Variants in GRIN1 observed in about 807,000 individuals in gnomAD.
The protein encoded by GRIN1 is glutamate receptor ionotropic, NMDA 1.
In GRIN1, 38 loss-of-function variants were observed where a neutral mutation model predicts 103.0. That is an observed-to-expected ratio of 0.37 (90% confidence interval 0.28 to 0.48). The LOEUF (loss-of-function observed/expected upper bound fraction) is 0.48. Among genes scored for constraint, GRIN1 ranks in the 20% least tolerant of loss-of-function variants. The probability of loss-of-function intolerance (pLI) is 0.98; values close to 1 mark genes in which losing one functional copy is unlikely to be tolerated. For synonymous variants in GRIN1, 544 were observed against 532.7 expected, an observed-to-expected ratio of 1.02 and a Z score of -0.29; for missense variants, 577 against 1,288.9, an observed-to-expected ratio of 0.45 and a Z score of 8.46.
Position 137,168,007 on chromosome 9 carries a change from G to A in GRIN1, c.*480G>A, listed in dbSNP as rs1349489149. The stretch of plus-strand genomic sequence containing the variant: ...CGCTGCCTGGCGGGCAGCCCCTGCT[G>A]GACCAAGGTGCGGACCGGAGCGGCT... On this transcript the variant is annotated 3_prime_UTR_variant, in exon 20 of 20. Coordinates refer to ENST00000371561, the MANE Select transcript of GRIN1 (RefSeq NM_007327.4). 6 of 704,648 alleles carry A rather than the reference G, an allele frequency of 8.5e-6. No individual in the cohort carries two copies. The highest frequency in any genetic ancestry group is 1.5e-5 in the Non-Finnish European group (6 of 401,598). 43.6% of individuals were successfully genotyped at this position (704,648 alleles called of 1,614,324 possible). A position where few individuals can be genotyped will look rare whatever the true frequency, so the allele number is the denominator to read the frequency against.
rs2131279428 is a variant in GRIN1 at position 137,158,372 on chromosome 9, T to C, written c.969-7T>C. 6.2e-7 allele frequency: 1 copy of C among 1,613,260 alleles called. No individual in the cohort carries two copies. The highest frequency in any genetic ancestry group is 1.3e-5 in the African/African-American group (1 of 75,020). On this transcript the variant is annotated splice_region_variant and splice_polypyrimidine_tract_variant and intron_variant, in intron 6 of 19. Coordinates refer to ENST00000371561, the MANE Select transcript of GRIN1 (RefSeq NM_007327.4). Reference sequence around the variant, plus strand: ...CTGAGAAGCCTCAGCTATGCTTCCTTCCCTAGAGTGCTGATGTCTTCCAAG... The same window carrying C: ...CTGAGAAGCCTCAGCTATGCTTCCTCCCCTAGAGTGCTGATGTCTTCCAAG...
intron 2 of GRIN1, among the ~76,000 whole-genome samples, chr9:137,144,280 G>A (rs1470682657): frequency 6.6e-6 from 1 of 152,024 alleles, no homozygotes; most frequent in African/African-American, 2.4e-5. Context: ...GGGTGGGAGA[G>A]AGGTTCCCAG....
At position 137,163,317 on chromosome 9, in the gene GRIN1, C is replaced by T. The variant is rs763135774; in HGVS notation, c.2320C>T (p.Leu774=). 3 of 1,613,620 alleles carry T rather than the reference C, an allele frequency of 1.9e-6. No homozygotes were observed. The highest frequency in any genetic ancestry group is 1.7e-5 in the Admixed American group (1 of 60,034). ...CAGCCCCTGGAAGCAGAACGTCTCC[C>T]TGTCCATCCTCAAGTGAGTGTCCGT... The part of the protein sequence containing the change: ...KDSPWKQNVS[L]SILKSHENGF... The change falls in exon 16 of 20, where the codon CTG becomes TTG. Residue 774 remains leucine (L), a synonymous_variant. Transcript: ENST00000371561.
At chr9:137,144,738 A>C (rs1832404963) in intron 2 of GRIN1, among the ~76,000 whole-genome samples, 1 of 104,148 alleles carries the variant, frequency 9.6e-6, no homozygotes, top group African/African-American at 4.7e-5. Flanking sequence ...GGGTGTGGGG[A>C]CAGGAGTGAG....
chr9:137,143,483 G>C (rs1159234470), intron 2 of GRIN1, among the ~76,000 whole-genome samples: 1 of 152,246 alleles, frequency 6.6e-6, no homozygotes, highest in African/African-American at 2.4e-5. Flanking sequence ...ATGTGAAGGA[G>C]AGAAGATGGC....
In GRIN1 at chr9:137,158,771, A is replaced by G. The variant is rs1833373791; in HGVS notation, c.1197+67A>G. 2.3e-5 allele frequency: 27 copies of G among 1,198,592 alleles called. No individual in the cohort carries two copies. The South Asian group carries it at 3.3e-4, about 14-fold the overall frequency. 74.2% of individuals were successfully genotyped at this position (1,198,592 alleles called of 1,614,324 possible). ...CAGCCCATCCACCCCCTCTGGCCTGAAGGAGGAGGGTGCGGTGAGGTCAAT... is the reference window on the plus strand; with the variant it reads ...CAGCCCATCCACCCCCTCTGGCCTGGAGGAGGAGGGTGCGGTGAGGTCAAT... On this transcript the variant is annotated intron_variant, in intron 8 of 19. Transcript: ENST00000371561.
intron 3 of GRIN1, among the ~76,000 whole-genome samples, chr9:137,147,638 C>T (rs917041215): frequency 1.3e-5 from 2 of 152,286 alleles, no homozygotes; most frequent in African/African-American, 4.8e-5. Context: ...CACACACACC[C>T]TCTTGGGCGC....
At chr9:137,163,984 C>T in intron 18 of GRIN1, 80 bp downstream of exon 18, 2 of 1,518,844 alleles carry the variant, frequency 1.3e-6, no homozygotes, top group Non-Finnish European at 1.8e-6. Flanking sequence ...AAGGCCGTGG[C>T]ACTGGCTCTG....
In GRIN1 at chr9:137,158,764, T is replaced by A; in HGVS notation, c.1197+60T>A. 2.4e-6 allele frequency: 3 copies of A among 1,254,770 alleles called. No individual in the cohort carries two copies. The South Asian group carries it at 3.6e-5, about 15-fold the overall frequency. The allele number at this position is 1,254,770 out of a possible 1,614,324, so 77.7% of individuals were successfully genotyped here. ...CCCCAGACAGCCCATCCACCCCCTC[T>A]GGCCTGAAGGAGGAGGGTGCGGTGA... On this transcript the variant is annotated intron_variant, in intron 8 of 19. Transcript: ENST00000371561.
chr9:137,142,483 ACT>A (rs1362926052), intron 2 of GRIN1, among the ~76,000 whole-genome samples: 9 of 151,396 alleles, frequency 5.9e-5, no homozygotes, highest in Non-Finnish European at 3.0e-5. Context: ...CACATCACAC[ACT>A]CACACATTCA....
intron 4 of GRIN1, among the ~76,000 whole-genome samples, chr9:137,150,503 G>T (rs1404727409): frequency 1.6e-5 from 2 of 127,722 alleles, no homozygotes; most frequent in African/African-American, 3.1e-5. Flanking sequence ...AGAAGTCTCC[G>T]CCCAGATAAA....
intron 18 of GRIN1, chr9:137,164,975 CA>C (rs1467695974): frequency 5.3e-6 from 3 of 569,042 alleles, no homozygotes; most frequent in Non-Finnish European, 9.6e-6. Flanking sequence ...AGCCCAGCCC[CA>C]GCACGAGCAA....
intron 4 of GRIN1, among the ~76,000 whole-genome samples, chr9:137,155,647 C>A (rs1023632222): frequency 2.0e-5 from 3 of 152,202 alleles, no homozygotes; most frequent in Non-Finnish European, 4.4e-5. Flanking sequence ...TCAGGCCCTG[C>A]AGAGAAAGGT....
chr9:137,167,294 G>C, intron 19 of GRIN1, 117 bp from the exon 20 acceptor site: 1 of 798,186 alleles, frequency 1.3e-6, no homozygotes, highest in Non-Finnish European at 2.1e-6. Context: ...CGGCTGCGGA[G>C]ATCCCCTGCC....
At chr9:137,153,224 C>T (rs1342565624) in intron 4 of GRIN1, among the ~76,000 whole-genome samples, 1 of 151,506 alleles carries the variant, frequency 6.6e-6, no homozygotes, top group South Asian at 2.1e-4. Flanking sequence ...CACATGTGCA[C>T]ACATGCCACA....
intron 1 of GRIN1, 90 bp from the exon 2 acceptor site, chr9:137,141,923 G>T: frequency 4.3e-6 from 6 of 1,410,394 alleles, no homozygotes; most frequent in Non-Finnish European, 6.0e-6. Flanking sequence ...AGCCTGCTGG[G>T]TTCAGCCCCT....
At chr9:137,159,942 C>A (rs1423698413) in intron 8 of GRIN1, among the ~76,000 whole-genome samples, 1 of 152,166 alleles carries the variant, frequency 6.6e-6, no homozygotes, top group Non-Finnish European at 1.5e-5. Context: ...CTCCACCTGC[C>A]CTCAGGCACC....
At chr9:137,153,256 C>A (rs1833015043) in intron 4 of GRIN1, among the ~76,000 whole-genome samples, 1 of 150,414 alleles carries the variant, frequency 6.6e-6, no homozygotes, top group African/African-American at 2.5e-5. Flanking sequence ...CACACATGCA[C>A]CATGCATACA....
chr9:137,167,907 G>C lies in GRIN1; in HGVS notation c.*380G>C. Reference sequence around the variant, plus strand: ...AGGACACTGATGGGTCCTGCTGCTCGGGAAGGCCTGAGGGAAGCCCACCCG... The same window carrying C: ...AGGACACTGATGGGTCCTGCTGCTCCGGAAGGCCTGAGGGAAGCCCACCCG... On this transcript the variant is annotated 3_prime_UTR_variant, in exon 20 of 20. Coordinates refer to ENST00000371561, the MANE Select transcript of GRIN1 (RefSeq NM_007327.4). 3 of 1,468,820 alleles carry C rather than the reference G, an allele frequency of 2.0e-6. No homozygotes were observed. Among genetic ancestry groups the C allele is most frequent in the Middle Eastern group, 1.7e-4 (1 of 5,746 alleles). 91.0% of individuals were successfully genotyped at this position (1,468,820 alleles called of 1,614,324 possible).
Sources: allele counts gnomAD v4.1 joint callset (sites outside exome capture counted in the v4.1 genomes callset), GRCh38; gene constraint gnomAD v4.1.1; transcripts MANE v1.5; gene names NCBI Gene and HGNC (gene_info 2026-07-23, HGNC 2026-07-21).